TMPRSS5: variants seen among roughly 807,000 people sequenced by gnomAD.
TMPRSS5 encodes the protein transmembrane serine protease 5, also known as transmembrane protease serine 5.
In TMPRSS5, 45 loss-of-function variants were observed where a neutral mutation model predicts 59.7. That is an observed-to-expected ratio of 0.75 (90% CI 0.59 to 0.97). The LOEUF (loss-of-function observed/expected upper bound fraction) is 0.97. Among genes scored for constraint, TMPRSS5 ranks in the 50% least tolerant of loss-of-function variants. The pLI is 0.00. For missense variants in TMPRSS5, 585 were observed against 596.7 expected (o/e 0.98, Z 0.20); for synonymous variants, 225 against 232.0 (o/e 0.97, Z 0.27).
chr11:113,689,783 C>T lies in TMPRSS5; in HGVS notation c.1341G>A (p.Trp447Ter), dbSNP rs1381465106. ...CACTCACCTGAGCAGTGTCATGGATCCAGTCCAGAAACTCAGCTACCTTGG... is the reference window on the plus strand; with the variant it reads ...CACTCACCTGAGCAGTGTCATGGATTCAGTCCAGAAACTCAGCTACCTTGG... ...VYAKVAEFLD[W>*]IHDTAQDSLL is the part of the protein sequence containing the mutation. Residue 447 changes from tryptophan (W) to a stop codon, truncating the protein, a stop_gained, in exon 12 of 13, where the codon TGG becomes TGA. Coordinates refer to ENST00000299882, the MANE Select transcript of TMPRSS5 (RefSeq NM_030770.4). LOFTEE classifies it high-confidence loss of function. 3.1e-6 allele frequency: 5 copies of T among 1,610,748 alleles called. No homozygotes were observed. The South Asian group carries it at 5.6e-5, about 18-fold the overall frequency.
At position 113,690,416 on chromosome 11, in the gene TMPRSS5, C is replaced by T. The variant is rs766662444; in HGVS notation, c.1064-43G>A. The T allele has an allele frequency of 1.3e-5, 20 of 1,579,524 alleles. 2 individuals carry two copies. In the South Asian group the frequency reaches 2.1e-4, roughly 17 times the overall value. On this transcript the variant is annotated intron_variant, in intron 10 of 12. Coordinates refer to ENST00000299882, the MANE Select transcript of TMPRSS5 (RefSeq NM_030770.4). ...AAAAACTGCAGGGCACAAAGCAAGG[C>T]CCAGGCAGGCAGAGCAGCAAGAGGG... is the stretch of plus-strand genomic sequence containing the variant.
At chr11:113,691,562 GCTA>G (rs1952779629) in intron 9 of TMPRSS5, among the ~76,000 whole-genome samples, 1 of 152,032 alleles carries the variant, frequency 6.6e-6, no homozygotes, top group Non-Finnish European at 1.5e-5. Flanking sequence ...TTCTTTTCAT[GCTA>G]CATATTTTTG....
At chr11:113,688,450 T>C (rs1247497819) in intron 12 of TMPRSS5, among the ~76,000 whole-genome samples, 176 bp from the exon 13 acceptor site, 1 of 152,244 alleles carries the variant, frequency 6.6e-6, no homozygotes, top group Non-Finnish European at 1.5e-5. Flanking sequence ...GATCAATACA[T>C]ACATTCCCTG....
At chr11:113,690,976 C>T (rs772847040) in intron 9 of TMPRSS5, 37 bp from the exon 10 acceptor site, 178 of 1,545,068 alleles carry the variant, frequency 1.2e-4, no homozygotes, top group South Asian at 5.2e-4. Flanking sequence ...CCCAGTCAGG[C>T]TTGGCTTCCC....
intron 8 of TMPRSS5, 73 bp from the exon 9 acceptor site, chr11:113,693,322 A>G: frequency 7.0e-7 from 1 of 1,429,676 alleles, no homozygotes; most frequent in Non-Finnish European, 9.2e-7. Flanking sequence ...TAGCAGGTGG[A>G]GGAAGCTGGC....
At chr11:113,694,667 AAGAG>A in intron 7 of TMPRSS5, 27 bp from the exon 8 acceptor site, 1 of 1,521,600 alleles carries the variant, frequency 6.6e-7, no homozygotes, top group Non-Finnish European at 8.8e-7. Flanking sequence ...GTGAGATAGA[AAGAG>A]AGAGAGAGGT....
chr11:113,702,320 G>A (rs1408649899), intron 1 of TMPRSS5, among the ~76,000 whole-genome samples: 1 of 152,158 alleles, frequency 6.6e-6, no homozygotes, highest in Non-Finnish European at 1.5e-5. Context: ...TGGGATTGCT[G>A]GGTCAAATGG....
intron 1 of TMPRSS5, among the ~76,000 whole-genome samples, chr11:113,701,491 G>A (rs1030381239): frequency 6.1e-5 from 7 of 115,306 alleles, no homozygotes; most frequent in Admixed American, 2.0e-4. Context: ...TTTTTTGGCG[G>A]GGGGGGGTGT....
At chr11:113,692,216 C>T (rs965991826) in intron 9 of TMPRSS5, among the ~76,000 whole-genome samples, 11 of 151,916 alleles carry the variant, frequency 7.2e-5, no homozygotes, top group African/African-American at 9.7e-5. Flanking sequence ...CGATAGTTCA[C>T]GTATGTGATA....
chr11:113,704,378 C>A (rs894390759), intron 1 of TMPRSS5, among the ~76,000 whole-genome samples: 1 of 152,138 alleles, frequency 6.6e-6, no homozygotes, highest in African/African-American at 2.4e-5. Context: ...TGTTATTCTC[C>A]ATGCCATAAA....
rs1226224725 is a variant in TMPRSS5, at chr11:113,690,302, C to T, written c.1135G>A (p.Val379Met). ...CGGGGGGTGAGGGCTCCGCTGTACACGCAAGAGCTGTTGCAGAGCTGAGTG... is the reference window on the plus strand; with the variant it reads ...CGGGGGGTGAGGGCTCCGCTGTACATGCAAGAGCTGTTGCAGAGCTGAGTG... ...FSTQLCNSSCVYSGALTPRML... is the reference protein window; with the variant it reads ...FSTQLCNSSCMYSGALTPRML... Residue 379 changes from valine to methionine, a missense_variant, in exon 11 of 13, where the codon GTG becomes ATG. Transcript: ENST00000299882. The T allele has an allele frequency of 1.1e-5, 17 of 1,593,392 alleles. No individual in the cohort carries two copies. The highest frequency in any genetic ancestry group is 4.6e-5 in the East Asian group (2 of 43,952).
intron 1 of TMPRSS5, among the ~76,000 whole-genome samples, chr11:113,703,237 T>C (rs1565267775): frequency 6.6e-6 from 1 of 152,362 alleles, no homozygotes; most frequent in East Asian, 1.9e-4. Context: ...AGGCATGTAG[T>C]CAAAGGAGAT....
chr11:113,699,145 C>A, intron 3 of TMPRSS5, 118 bp from the exon 4 acceptor site: 1 of 1,006,620 alleles, frequency 9.9e-7, no homozygotes, highest in Admixed American at 2.4e-5. Context: ...TGAGGAGGGG[C>A]ATAGCGCTCC....
At chr11:113,690,176 G>GGCCCCCCCCCC in intron 11 of TMPRSS5, 55 bp downstream of exon 11, 15 of 388,220 alleles carry the variant, frequency 3.9e-5, no homozygotes, top group East Asian at 2.8e-4. Context: ...CAGGCCCCCT[G>GGCCCCCCCCCC]CCCTCCCACC....
In TMPRSS5 at chr11:113,706,216, C is replaced by A. The variant is rs780845684; in HGVS notation, c.3+6G>T. 3.0e-5 allele frequency: 48 copies of A among 1,601,126 alleles called. No homozygotes were observed. Among genetic ancestry groups the A allele is most frequent in the Non-Finnish European group, 3.8e-5 (45 of 1,174,156 alleles). ...CAGCAGGGATGGCACAGAGACGTAACCTTACCATAGGGGTCAGTGGCACTG... is the reference window on the plus strand; with the variant it reads ...CAGCAGGGATGGCACAGAGACGTAAACTTACCATAGGGGTCAGTGGCACTG... On this transcript the variant is annotated splice_donor_region_variant and intron_variant, in intron 1 of 12. Transcript: ENST00000299882.
chr11:113,690,176 G>GGCCAA, intron 11 of TMPRSS5, 55 bp downstream of exon 11: 2 of 388,230 alleles, frequency 5.2e-6, no homozygotes, highest in Non-Finnish European at 4.2e-6. Context: ...CAGGCCCCCT[G>GGCCAA]CCCTCCCACC....
intron 4 of TMPRSS5, 49 bp from the exon 5 acceptor site, chr11:113,697,467 G>A (rs892810973): frequency 1.3e-6 from 2 of 1,598,744 alleles, no homozygotes; most frequent in Non-Finnish European, 1.7e-6. Context: ...TGGTGGTAGG[G>A]TGGGACAGGA....
chr11:113,689,938 GAC>G lies in TMPRSS5; in HGVS notation c.1207-23_1207-22del, dbSNP rs776347045. 20 of 1,524,838 alleles carry G rather than the reference GAC, an allele frequency of 1.3e-5. No homozygotes were observed. The Admixed American group carries it at 2.1e-4, about 16-fold the overall frequency. The allele number at this position is 1,524,838 out of a possible 1,614,324, so 94.5% of individuals were successfully genotyped here. ...TCTCCCTAAGGGATCCAGGCATGGA[GAC>G]ACAGAGAAACAGCCAGTTAGTTCTT... is the stretch of plus-strand genomic sequence containing the variant. On this transcript the variant is annotated intron_variant, in intron 11 of 12. Coordinates refer to ENST00000299882, the MANE Select transcript of TMPRSS5 (RefSeq NM_030770.4).
At chr11:113,691,038 C>T (rs1952766488) in intron 9 of TMPRSS5, 99 bp from the exon 10 acceptor site, 1 of 1,155,426 alleles carries the variant, frequency 8.7e-7, no homozygotes, top group African/African-American at 1.5e-5. Context: ...CTCCTCAGCC[C>T]CCTTCTCAAA....
Sources: allele counts gnomAD v4.1 joint callset (sites outside exome capture counted in the v4.1 genomes callset), GRCh38; gene constraint gnomAD v4.1.1; transcripts MANE v1.5; gene names NCBI Gene and HGNC (gene_info 2026-07-23, HGNC 2026-07-21).